RSPH14: variants seen among roughly 807,000 people sequenced by gnomAD.
The protein encoded by RSPH14 is rhabdoid tumor deletion region gene 1.
A neutral mutation model predicts 26.7 loss-of-function variants in RSPH14; 20 were observed. That is an observed-to-expected ratio of 0.75 (90% confidence interval 0.53 to 1.09). The LOEUF is 1.09. Among genes scored for constraint, RSPH14 ranks in the 50% least tolerant of loss-of-function variants. The pLI is 0.00. For missense variants in RSPH14, 449 were observed against 457.2 expected, an observed-to-expected ratio of 0.98 and a Z score of 0.16; for synonymous variants, 177 against 189.3, an observed-to-expected ratio of 0.93 and a Z score of 0.53.
intron 4 of RSPH14, among the ~76,000 whole-genome samples, chr22:23,115,032 C>T (rs935766878): frequency 1.3e-5 from 2 of 152,172 alleles, no homozygotes; most frequent in African/African-American, 4.8e-5. Flanking sequence ...CTTAATGTCA[C>T]GTGCATTTTA....
At chr22:23,066,223 T>A (rs1347214135) in intron 4 of RSPH14, among the ~76,000 whole-genome samples, 2 of 152,218 alleles carry the variant, frequency 1.3e-5, no homozygotes, top group African/African-American at 4.8e-5. Flanking sequence ...TGTAGCCTCG[T>A]CTCACCTATC....
intron 1 of RSPH14, 61 bp from the exon 2 acceptor site, chr22:23,140,533 G>A: frequency 6.8e-7 from 1 of 1,471,330 alleles, no homozygotes. Context: ...CTTCTCATCT[G>A]ATCCTCCAAA....
chr22:23,153,635 T>G, the RSPH14 span: 7 of 981,302 alleles, frequency 7.1e-6, no homozygotes, highest in Non-Finnish European at 8.4e-6. Context: ...CTCGTCTTCC[T>G]CCTCACACTG....
the RSPH14 span, among the ~76,000 whole-genome samples, chr22:23,150,459 G>A: frequency 3.3e-5 from 5 of 151,914 alleles, no homozygotes; most frequent in South Asian, 2.1e-4. Context: ...CCGCCACCAC[G>A]CCCGGCTAAT....
Position 23,134,330 on chromosome 22 carries a change from C to T in RSPH14, c.303-186G>A, listed in dbSNP as rs553433177. Among the ~76,000 whole-genome samples the T allele has an allele frequency of 3.3e-5, 5 of 152,156 alleles. No individual in the cohort carries two copies. The South Asian group carries it at 1.0e-3, about 32-fold the overall frequency. Reference sequence around the variant, plus strand: ...CATCTCACCTGAACCTCCAGGGGAGCGAGCTCAGCAGGCCCAGCCCACCTT... The same window carrying T: ...CATCTCACCTGAACCTCCAGGGGAGTGAGCTCAGCAGGCCCAGCCCACCTT... On this transcript the variant is annotated intron_variant, in intron 3 of 6. Coordinates refer to ENST00000216036, the MANE Select transcript of RSPH14 (RefSeq NM_014433.3).
chr22:23,087,472 T>C (rs2068850871), intron 4 of RSPH14, among the ~76,000 whole-genome samples: 1 of 152,146 alleles, frequency 6.6e-6, no homozygotes, highest in African/African-American at 2.4e-5. Context: ...TCAATTGAGC[T>C]TATAACCGCC....
chr22:23,061,699 T>TG lies in RSPH14; in HGVS notation c.790+109dup, dbSNP rs1198986826. On this transcript the variant is annotated intron_variant, in intron 6 of 6. Coordinates refer to ENST00000216036, the MANE Select transcript of RSPH14 (RefSeq NM_014433.3). ...GCCAAGGGGAGGTTTTTTTTTTTTT[T>TG]GCAAAGTGTGGAGTTTGGGGGACGA... 15 of 1,377,352 alleles carry TG rather than the reference T, an allele frequency of 1.1e-5. No homozygotes were observed. The Admixed American group carries it at 2.9e-4, about 26-fold the overall frequency. 85.3% of individuals were successfully genotyped at this position (1,377,352 alleles called of 1,614,324 possible).
At chr22:23,086,592 C>T (rs1382005002) in intron 4 of RSPH14, among the ~76,000 whole-genome samples, 1 of 152,224 alleles carries the variant, frequency 6.6e-6, no homozygotes, top group Non-Finnish European at 1.5e-5. Context: ...GAGTCCCCTC[C>T]CTGACCCCAC....
intron 4 of RSPH14, among the ~76,000 whole-genome samples, chr22:23,091,552 A>G (rs1387621559): frequency 6.6e-6 from 1 of 151,024 alleles, no homozygotes; most frequent in Non-Finnish European, 1.5e-5. Context: ...ACAGGGAGCT[A>G]TGCATACATG....
At chr22:23,118,758 G>A (rs1452381617) in intron 4 of RSPH14, among the ~76,000 whole-genome samples, 1 of 152,204 alleles carries the variant, frequency 6.6e-6, no homozygotes, top group African/African-American at 2.4e-5. Flanking sequence ...ATGGGGCAGG[G>A]CCACATGACT....
At chr22:23,134,581 T>TTGG (rs765388181) in intron 3 of RSPH14, among the ~76,000 whole-genome samples, 36 of 146,804 alleles carry the variant, frequency 2.5e-4, no homozygotes, top group Non-Finnish European at 4.0e-4. Flanking sequence ...AAGGAGATGA[T>TTGG]TGGCTGGGCG....
chr22:23,120,198 C>A (rs994044379), intron 4 of RSPH14, among the ~76,000 whole-genome samples: 1 of 152,148 alleles, frequency 6.6e-6, no homozygotes, highest in Admixed American at 6.5e-5. Flanking sequence ...TGTCCAGGGT[C>A]CCCAAGGTCC....
At chr22:23,101,040 AGGC>A (rs1207877126) in intron 4 of RSPH14, among the ~76,000 whole-genome samples, 1 of 152,248 alleles carries the variant, frequency 6.6e-6, no homozygotes, top group African/African-American at 2.4e-5. Context: ...CCAGTAAGAC[AGGC>A]TTATACCTAT....
At chr22:23,155,888 G>A in the RSPH14 span, 1 of 1,331,672 alleles carries the variant, frequency 7.5e-7, no homozygotes, top group East Asian at 2.6e-5. Context: ...TCCCACCCAT[G>A]GTCCCGTAGC....
intron 4 of RSPH14, chr22:23,131,754 GCT>G: frequency 1.6e-6 from 1 of 630,242 alleles, no homozygotes; most frequent in Non-Finnish European, 2.7e-6. Flanking sequence ...TACCCCAGGG[GCT>G]CTCAACCCTG....
chr22:23,153,525 C>T, the RSPH14 span: 1 of 976,408 alleles, frequency 1.0e-6, no homozygotes, highest in Non-Finnish European at 1.2e-6. Flanking sequence ...CTGTTCCCAC[C>T]TGTAAAATGG....
intron 4 of RSPH14, among the ~76,000 whole-genome samples, chr22:23,103,742 G>A (rs1657149782): frequency 6.6e-6 from 1 of 152,224 alleles, no homozygotes; most frequent in African/African-American, 2.4e-5. Context: ...CACCCAGTAT[G>A]TGTGGGCCCT....
the RSPH14 span, chr22:23,161,965 C>T: frequency 8.2e-5 from 15 of 182,622 alleles, no homozygotes; most frequent in Non-Finnish European, 1.5e-4. Context: ...TCTTTCCCAG[C>T]GATCTTGGAT....
upstream of RSPH14, among the ~76,000 whole-genome samples, chr22:23,142,460 C>T (rs1256318465): frequency 1.3e-5 from 2 of 152,206 alleles, no homozygotes; most frequent in Non-Finnish European, 2.9e-5. Flanking sequence ...GCCTAAGCCT[C>T]CCAAGTAGCT....
Sources: allele counts gnomAD v4.1 joint callset (sites outside exome capture counted in the v4.1 genomes callset), GRCh38; gene constraint gnomAD v4.1.1; transcripts MANE v1.5; gene names NCBI Gene and HGNC (gene_info 2026-07-23, HGNC 2026-07-21).